Variants in PPP2R2C observed in about 807,000 individuals in gnomAD.
The protein encoded by PPP2R2C is protein phosphatase 2, regulatory subunit B, gamma.
In PPP2R2C, 10 loss-of-function variants were observed where a neutral mutation model predicts 45.3. The observed-to-expected ratio is 0.22, with a 90% CI of 0.14 to 0.37. The LOEUF (loss-of-function observed/expected upper bound fraction) is 0.37. Among genes scored for constraint, PPP2R2C ranks in the 10% least tolerant of loss-of-function variants. PPP2R2C has a pLI of 1.00. For synonymous variants in PPP2R2C, 257 were observed against 245.4 expected (o/e 1.05, Z -0.44); for missense variants, 308 against 619.7 (o/e 0.50, Z 5.34).
chr4:6,431,276 A>T (rs1317357432), intron 1 of PPP2R2C, among the ~76,000 whole-genome samples: 1 of 152,172 alleles, frequency 6.6e-6, no homozygotes, highest in African/African-American at 2.4e-5. Context: ...GGCCAATTTC[A>T]AACTACCAAC....
rs558663816 is a variant in PPP2R2C at position 6,563,078 on chromosome 4, G to C, written c.-59+482C>G. ...ACGCTGCTGGATGGTACCCGCGGCC[G>C]GGACTGAACTCCGCCGCATTGGGTC... On this transcript the variant is annotated intron_variant, in intron 1 of 9. Coordinates refer to the PPP2R2C transcript ENST00000506140. The surrounding 1 kb of genome is among the most constrained non-coding windows in gnomAD (Gnocchi z 5.8). Among the ~76,000 whole-genome samples, 2 of 152,270 alleles carry C rather than the reference G, an allele frequency of 1.3e-5. No individual in the cohort carries two copies. Among genetic ancestry groups the C allele is most frequent in the East Asian group, 3.9e-4 (2 of 5,166 alleles).
chr4:6,449,886 C>T (rs939064179), intron 1 of PPP2R2C, among the ~76,000 whole-genome samples: 15 of 152,358 alleles, frequency 9.8e-5, no homozygotes, highest in Middle Eastern at 6.8e-3. Context: ...CTTCAAAACA[C>T]CTCGCCAGAG....
intron 1 of PPP2R2C, among the ~76,000 whole-genome samples, chr4:6,448,096 G>C (rs1720529927): frequency 6.6e-6 from 1 of 152,132 alleles, no homozygotes. Flanking sequence ...CCGCACAGAG[G>C]AGCTTCCAGA....
intron 1 of PPP2R2C, among the ~76,000 whole-genome samples, chr4:6,399,696 G>A (rs547669934): frequency 1.8e-4 from 28 of 152,360 alleles, no homozygotes; most frequent in African/African-American, 6.7e-4. Context: ...CTCCATGGAA[G>A]AAGCCTTTTA....
At chr4:6,481,450 C>G (rs1287452324) in intron 2 of PPP2R2C, among the ~76,000 whole-genome samples, 1 of 152,190 alleles carries the variant, frequency 6.6e-6, no homozygotes, top group Non-Finnish European at 1.5e-5. Flanking sequence ...CACTTCTTTT[C>G]TATACGAAGT....
intron 2 of PPP2R2C, chr4:6,535,146 G>T: frequency 8.8e-7 from 1 of 1,135,672 alleles, no homozygotes; most frequent in Non-Finnish European, 1.3e-6. Context: ...GGAGGGACCG[G>T]ATCCCAGCAC....
At chr4:6,362,213 G>A (rs1418581129) in intron 5 of PPP2R2C, among the ~76,000 whole-genome samples, 1 of 152,164 alleles carries the variant, frequency 6.6e-6, no homozygotes, top group Non-Finnish European at 1.5e-5. Flanking sequence ...TTCTAAGAGG[G>A]AGGGAGAGGC....
upstream of PPP2R2C, among the ~76,000 whole-genome samples, chr4:6,477,357 A>G (rs1401131673): frequency 6.6e-6 from 1 of 152,240 alleles, no homozygotes; most frequent in Non-Finnish European, 1.5e-5. Context: ...CTGTTGATCC[A>G]CAACCTTCTT....
At chr4:6,454,559 A>C (rs2108750146) in intron 1 of PPP2R2C, among the ~76,000 whole-genome samples, 1 of 152,300 alleles carries the variant, frequency 6.6e-6, no homozygotes, top group South Asian at 2.1e-4. Context: ...GTCCCCCCAG[A>C]TCAGTCCACC....
intron 2 of PPP2R2C, among the ~76,000 whole-genome samples, chr4:6,483,145 T>TAGATAGATAGATAGATA (rs376482565): frequency 9.7e-6 from 1 of 103,514 alleles, no homozygotes; most frequent in Non-Finnish European, 2.1e-5. Context: ...ATAGATAGAT[T>TAGATAGATAGATAGATA]GATTGATTGA....
chr4:6,545,023 C>G (rs1724932473), intron 1 of PPP2R2C, among the ~76,000 whole-genome samples: 2 of 152,158 alleles, frequency 1.3e-5, no homozygotes, highest in South Asian at 2.1e-4. Flanking sequence ...AGGATGACGA[C>G]TTTTTCCAGT....
chr4:6,367,998 G>T (rs900297436), intron 5 of PPP2R2C, among the ~76,000 whole-genome samples: 2 of 152,134 alleles, frequency 1.3e-5, no homozygotes, highest in Admixed American at 6.5e-5. Context: ...TTTATGTTTT[G>T]ATGAATTAAT....
rs1732317394 is a variant in PPP2R2C, at chr4:6,330,461, C to T, written c.961-1108G>A. Among the ~76,000 whole-genome samples, 1 of 152,140 alleles carries T rather than the reference C, an allele frequency of 6.6e-6. No homozygotes were observed. The highest frequency in any genetic ancestry group is 1.5e-5 in the Non-Finnish European group (1 of 68,028). Reference sequence around the variant, plus strand: ...GGAGGTTAACATTTAAGCTGATATACTGAGTAAAGCAGGCTGCCCTCCATC... The same window carrying T: ...GGAGGTTAACATTTAAGCTGATATATTGAGTAAAGCAGGCTGCCCTCCATC... On this transcript the variant is annotated intron_variant, in intron 7 of 8. Transcript: ENST00000382599. The surrounding 1 kb of genome is among the most constrained non-coding windows in gnomAD (Gnocchi z 7.0).
At chr4:6,383,908 G>C in intron 1 of PPP2R2C, 1 of 987,078 alleles carries the variant, frequency 1.0e-6, no homozygotes, top group Non-Finnish European at 1.2e-6. Flanking sequence ...TCTGAGCCAT[G>C]AGTCAATGCC....
At chr4:6,425,500 C>T (rs574039237) in intron 1 of PPP2R2C, among the ~76,000 whole-genome samples, 30 of 152,336 alleles carry the variant, frequency 2.0e-4, no homozygotes, top group Non-Finnish European at 2.6e-4. Context: ...CCCACCAGCA[C>T]GAGCTCAGAA....
intron 5 of PPP2R2C, among the ~76,000 whole-genome samples, chr4:6,361,676 C>A (rs1326832491): frequency 6.6e-6 from 1 of 152,162 alleles, no homozygotes; most frequent in Non-Finnish European, 1.5e-5. Context: ...TGCTTGTCAC[C>A]CCCTGGGAGG....
chr4:6,365,437 C>G (rs143328517), intron 5 of PPP2R2C, among the ~76,000 whole-genome samples: 1 of 152,090 alleles, frequency 6.6e-6, no homozygotes, highest in East Asian at 1.9e-4. Context: ...CTTGTCTACA[C>G]GGCACCAGGC....
rs771704778 is a variant in PPP2R2C at position 6,333,554 on chromosome 4, G to A, written c.960+8C>T. On this transcript the variant is annotated splice_region_variant and intron_variant, in intron 7 of 8. Transcript: ENST00000382599. ...CCGGGATTGGGGGTCTCCTGCTGTG[G>A]TGCCCACCTGGTAGGTCTCTATGGG... 3.1e-6 allele frequency: 5 copies of A among 1,611,910 alleles called. No homozygotes were observed. The highest frequency in any genetic ancestry group is 4.5e-5 in the East Asian group (2 of 44,850).
chr4:6,521,023 A>C (rs888307438), intron 2 of PPP2R2C, among the ~76,000 whole-genome samples: 1 of 152,248 alleles, frequency 6.6e-6, no homozygotes, highest in Non-Finnish European at 1.5e-5. Context: ...GATGAGGAGC[A>C]AATTCAATTC....
Sources: gnomAD v4.1 joint callset for allele counts (sites outside exome capture counted in the v4.1 genomes callset) on GRCh38, gnomAD v4.1.1 for gene constraint, Gnocchi (gnomAD v3.1) non-coding constraint, MANE v1.5 for transcripts, NCBI Gene and HGNC (gene_info 2026-07-23, HGNC 2026-07-21) for gene names.